C10orf53: variants seen among roughly 807,000 people sequenced by gnomAD.
C10orf53 encodes chromosome 10 open reading frame 53, also known as UPF0728 protein C10orf53.
Under a neutral mutation model 9.4 loss-of-function variants are expected in C10orf53, and 8 were observed. The observed-to-expected ratio is 0.85, with a 90% CI of 0.50 to 1.53. The LOEUF is 1.53. Ranked by LOEUF, C10orf53 falls within the 40% of genes most tolerant of loss-of-function variation. The probability of loss-of-function intolerance (pLI) is 0.00; values close to 1 mark genes in which losing one functional copy is unlikely to be tolerated. For synonymous variants in C10orf53, 48 were observed against 46.0 expected, an observed-to-expected ratio of 1.04 and a Z score of -0.18; for missense variants, 117 against 117.8, an observed-to-expected ratio of 0.99 and a Z score of 0.03.
At chr10:49,688,637 A>AC (rs1455925767) in intron 1 of C10orf53, among the ~76,000 whole-genome samples, 3 of 61,646 alleles carry the variant, frequency 4.9e-5, no homozygotes, top group African/African-American at 1.9e-4. Flanking sequence ...CCCTCATCTC[A>AC]CCCCCTCCTG....
In C10orf53 at chr10:49,694,046, G is replaced by C. The variant is rs1028450556; in HGVS notation, c.217+153G>C. 6 of 1,027,018 alleles carry C rather than the reference G, an allele frequency of 5.8e-6. No homozygotes were observed. In the African/African-American group the frequency reaches 9.6e-5, roughly 16 times the overall value. The allele number at this position is 1,027,018 out of a possible 1,614,324, so 63.6% of individuals were successfully genotyped here. ...TACTGAAAGCCCTGTGCTTTCAGTG[G>C]CACACACAGGAGAGTATCCAAAACC... On this transcript the variant is annotated intron_variant, in intron 2 of 2. Transcript: ENST00000374111.
chr10:49,687,882 T>G (rs914030430), intron 1 of C10orf53, among the ~76,000 whole-genome samples: 2 of 152,138 alleles, frequency 1.3e-5, no homozygotes, highest in African/African-American at 4.8e-5. Flanking sequence ...GGGATGTACC[T>G]TAAGAGTCCA....
chr10:49,704,565 A>G (rs900734578), intron 2 of C10orf53, among the ~76,000 whole-genome samples: 1 of 152,124 alleles, frequency 6.6e-6, no homozygotes, highest in Admixed American at 6.5e-5. Context: ...ACATGGTGAA[A>G]CCCTGTCTCT....
chr10:49,701,607 G>A (rs981819948), downstream of C10orf53, among the ~76,000 whole-genome samples: 3 of 152,006 alleles, frequency 2.0e-5, no homozygotes, highest in Admixed American at 6.5e-5. Context: ...TGCCTTCCTC[G>A]TGCTGCTTCC....
At chr10:49,694,053 C>A in intron 2 of C10orf53, 160 bp downstream of exon 2, 1 of 956,570 alleles carries the variant, frequency 1.0e-6, no homozygotes, top group South Asian at 1.7e-5. Flanking sequence ...GTGGCACACA[C>A]AGGAGAGTAT....
At chr10:49,702,428 C>G (rs1158960655), downstream of C10orf53, among the ~76,000 whole-genome samples, 1 of 152,120 alleles carries the variant, frequency 6.6e-6, no homozygotes, top group African/African-American at 2.4e-5. Context: ...AGATTCCACC[C>G]CCACTCAAGG....
intron 1 of C10orf53, among the ~76,000 whole-genome samples, chr10:49,688,633 T>G: frequency 9.5e-6 from 1 of 105,456 alleles, no homozygotes; most frequent in African/African-American, 3.7e-5. Context: ...CACCCCCTCA[T>G]CTCACCCCCT....
intron 1 of C10orf53, among the ~76,000 whole-genome samples, chr10:49,683,943 G>A (rs1840503728): frequency 6.6e-6 from 1 of 152,104 alleles, no homozygotes; most frequent in African/African-American, 2.4e-5. Flanking sequence ...ATGCAGATTT[G>A]CCCCCATGTT....
chr10:49,694,575 C>T lies in C10orf53; in HGVS notation c.255C>T (p.Ala85=), dbSNP rs1011414318. 2 of 1,614,096 alleles carry T rather than the reference C, an allele frequency of 1.2e-6. No individual in the cohort carries two copies. Among genetic ancestry groups the T allele is most frequent in the Non-Finnish European group, 8.5e-7 (1 of 1,180,036 alleles). The change falls in exon 3 of 3, where the codon GCC becomes GCT. Residue 85 remains alanine, a synonymous_variant. Transcript: ENST00000374111. ...AACTAGACCCACTGTGTGAAAAGGC[C>T]AGGATAGCCGTGCTGAATGCCTACT... ...DGKLDPLCEK[A]RIAVLNAY
At chr10:49,691,791 T>G (rs1840586758) in intron 1 of C10orf53, among the ~76,000 whole-genome samples, 1 of 152,182 alleles carries the variant, frequency 6.6e-6, no homozygotes, top group African/African-American at 2.4e-5. Context: ...GCTCGCCTCC[T>G]GGGGCCTCCA....
At chr10:49,694,288 C>T (rs189323204) in intron 2 of C10orf53, 1 of 600,562 alleles carries the variant, frequency 1.7e-6, no homozygotes, top group Non-Finnish European at 2.9e-6. Context: ...GTTGATATGC[C>T]AGCAGTGCAT....
Position 49,694,556 on chromosome 10 carries a change from A to G in C10orf53, c.236A>G (p.Asp79Gly), listed in dbSNP as rs753107732. 3.1e-6 allele frequency: 5 copies of G among 1,614,116 alleles called. No individual in the cohort carries two copies. The Admixed American group carries it at 8.3e-5, about 27-fold the overall frequency. Residue 79 changes from aspartate (D) to glycine (G), a missense_variant, in exon 3 of 3, where the codon GAC (aspartate) becomes GGC (glycine). Physicochemically the swap from Asp to Gly is moderately conservative, Grantham distance 94. Coordinates refer to ENST00000374111, the MANE Select transcript of C10orf53 (RefSeq NM_001042427.3). ...DLEFGGDGKL[D>G]PLCEKARIAV... ...TCCCTAGGAGGCGATGGTAAACTAG[A>G]CCCACTGTGTGAAAAGGCCAGGATA...
chr10:49,693,716 G>GTC, intron 1 of C10orf53, 58 bp from the exon 2 acceptor site: 1 of 1,562,388 alleles, frequency 6.4e-7, no homozygotes, highest in African/African-American at 1.4e-5. Context: ...ACTGCTACCA[G>GTC]TCAGGTTAGT....
rs563961025 is a variant in C10orf53, at chr10:49,689,231, C to G, written c.98-4543C>G. On this transcript the variant is annotated intron_variant, in intron 1 of 2. Coordinates refer to ENST00000374111, the MANE Select transcript of C10orf53 (RefSeq NM_001042427.3). ...GGGCAGGGTGTGTTAAGAGGAGCAG[C>G]CTGTGGAGGAGCAGGGGCAGAGGGA... Among the ~76,000 whole-genome samples, 83 of 151,986 alleles carry G rather than the reference C, an allele frequency of 5.5e-4. 1 individual carries two copies. The highest frequency in any genetic ancestry group is 2.2e-4 in the Non-Finnish European group (15 of 68,006).
intron 1 of C10orf53, among the ~76,000 whole-genome samples, chr10:49,683,704 C>T (rs1840500849): frequency 1.3e-5 from 2 of 151,972 alleles, no homozygotes; most frequent in African/African-American, 4.8e-5. Context: ...TCAAAACCAG[C>T]CCTTTTTGTA....
exon 3 of C10orf53, chr10:49,708,848 G>T: frequency 1.7e-6 from 1 of 603,606 alleles, no homozygotes; most frequent in Non-Finnish European, 2.8e-6. Flanking sequence ...TATGATCGAT[G>T]AACTACTTAC....
chr10:49,692,357 T>C (rs1176817376), intron 1 of C10orf53, among the ~76,000 whole-genome samples: 1 of 152,254 alleles, frequency 6.6e-6, no homozygotes, highest in Non-Finnish European at 1.5e-5. Flanking sequence ...CTTTCTGAAG[T>C]TCCTTTCCAG....
At chr10:49,708,445 A>T in exon 3 of C10orf53, 2 of 1,614,110 alleles carry the variant, frequency 1.2e-6, no homozygotes, top group Non-Finnish European at 1.7e-6. Flanking sequence ...TGTAGGATGA[A>T]AGTTTCTCCT....
chr10:49,695,037 G>A lies in C10orf53; in HGVS notation c.*435G>A. ...AGAGTGGGAATAAAGGCTTTTGAAA[G>A]TCTGAACCAAAAGCAAATGTTAATA... On this transcript the variant is annotated 3_prime_UTR_variant, in exon 3 of 3. Transcript: ENST00000374111. 3 of 802,056 alleles carry A rather than the reference G, an allele frequency of 3.7e-6. No homozygotes were observed. The highest frequency in any genetic ancestry group is 5.7e-5 in the South Asian group (1 of 17,600). 49.7% of individuals were successfully genotyped at this position (802,056 alleles called of 1,614,324 possible).
Sources: allele counts gnomAD v4.1 joint callset (sites outside exome capture counted in the v4.1 genomes callset), GRCh38; gene constraint gnomAD v4.1.1; transcripts MANE v1.5; gene names NCBI Gene and HGNC (gene_info 2026-07-23, HGNC 2026-07-21).